METAP1: variants seen among roughly 807,000 people sequenced by gnomAD.
METAP1 encodes the protein methionine aminopeptidase 1.
A neutral mutation model predicts 53.8 loss-of-function variants in METAP1; 28 were observed. The ratio of observed to expected loss-of-function variants is 0.52; its 90% CI spans 0.39 to 0.71. The LOEUF (loss-of-function observed/expected upper bound fraction) is 0.71. METAP1 is among the 30% of genes least tolerant of loss of function. The pLI, the probability that METAP1 is intolerant of heterozygous loss-of-function variation, is 0.00. For synonymous variants in METAP1, 181 were observed against 165.7 expected (o/e 1.09, Z -0.71); for missense variants, 389 against 479.8 (o/e 0.81, Z 1.77).
chr4:98,999,288 C>G (rs897666347), intron 1 of METAP1, among the ~76,000 whole-genome samples: 2 of 152,006 alleles, frequency 1.3e-5, no homozygotes, highest in Non-Finnish European at 2.9e-5. Context: ...ACAGCTCCAT[C>G]ATTTACTAGT....
intron 1 of METAP1, among the ~76,000 whole-genome samples, chr4:99,009,656 GTATA>G (rs1432816931): frequency 6.6e-5 from 10 of 152,216 alleles, no homozygotes; most frequent in Admixed American, 5.9e-4. Flanking sequence ...CTGTTGGCTA[GTATA>G]TATCATCTTT....
Position 99,061,246 on chromosome 4 carries a change from A to C in METAP1, c.1090A>C (p.Thr364Pro), listed in dbSNP as rs780343100. The change falls in exon 11 of 11, where the codon ACA (threonine) becomes CCA (proline). Residue 364 changes from threonine to proline, a missense_variant. By Grantham distance (38) the Thr-to-Pro change is conservative. Transcript: ENST00000296411. ...TCAGTTTGAGCACACCCTCCTGGTC[A>C]CAGACACTGGCTGTGAAATCCTAAC... ...SAQFEHTLLV[T>P]DTGCEILTRR... 1 of 1,614,014 alleles carries C rather than the reference A, an allele frequency of 6.2e-7. No individual in the cohort carries two copies. Among genetic ancestry groups the C allele is most frequent in the Non-Finnish European group, 8.5e-7 (1 of 1,179,874 alleles).
At chr4:99,016,832 C>A (rs143705451) in intron 1 of METAP1, among the ~76,000 whole-genome samples, 1 of 151,950 alleles carries the variant, frequency 6.6e-6, no homozygotes, top group African/African-American at 2.4e-5. Flanking sequence ...CTGAGGACAG[C>A]GTCACATAGG....
intron 1 of METAP1, among the ~76,000 whole-genome samples, chr4:99,024,983 C>T (rs1021814013): frequency 1.3e-5 from 2 of 152,184 alleles, no homozygotes; most frequent in Non-Finnish European, 2.9e-5. Context: ...CAACCTGGCT[C>T]CTTGCATGTG....
intron 9 of METAP1, among the ~76,000 whole-genome samples, chr4:99,049,981 A>C (rs758332868): frequency 1.3e-5 from 2 of 152,178 alleles, no homozygotes; most frequent in African/African-American, 4.8e-5. Flanking sequence ...TGGCTTGCTC[A>C]AGGTCACACA....
intron 1 of METAP1, among the ~76,000 whole-genome samples, chr4:99,028,419 T>C (rs1056818809): frequency 2.6e-5 from 4 of 152,108 alleles, no homozygotes; most frequent in African/African-American, 9.7e-5. Context: ...ACACAGCTTA[T>C]GGCCTCAGGG....
At chr4:99,016,000 G>A (rs1230180) in intron 1 of METAP1, among the ~76,000 whole-genome samples, 11,964 of 152,140 alleles carry the variant, frequency 0.079, 644 homozygotes, top group East Asian at 0.23. Context: ...TGCGAACTGC[G>A]GTTTCGATGG....
At chr4:98,997,399 C>G (rs143047367) in intron 1 of METAP1, 1 of 153,532 alleles carries the variant, frequency 6.5e-6, no homozygotes, top group East Asian at 1.9e-4. Flanking sequence ...TCTAAAGGAC[C>G]TGTACTAGGT....
chr4:99,006,325 G>C (rs1363104054), intron 1 of METAP1, among the ~76,000 whole-genome samples: 1 of 152,164 alleles, frequency 6.6e-6, no homozygotes, highest in African/African-American at 2.4e-5. Flanking sequence ...TAATTTTACT[G>C]AGTTTCTCTA....
Position 99,035,350 on chromosome 4 carries a change from T to C in METAP1, c.280-50T>C, listed in dbSNP as rs770931043. ...TTGAATGGACTTCTTTCTCCCCTCGTTTTATTTATTTTTCGTTGGTAAATC... is the reference window on the plus strand; with the variant it reads ...TTGAATGGACTTCTTTCTCCCCTCGCTTTATTTATTTTTCGTTGGTAAATC... On this transcript the variant is annotated intron_variant, in intron 3 of 10. Coordinates refer to ENST00000296411, the MANE Select transcript of METAP1 (RefSeq NM_015143.3). The C allele has an allele frequency of 8.1e-5, 109 of 1,344,604 alleles. No individual in the cohort carries two copies. The South Asian group carries it at 1.2e-3, about 15-fold the overall frequency. The allele number at this position is 1,344,604 out of a possible 1,614,324, so 83.3% of individuals were successfully genotyped here. A position where few individuals can be genotyped will look rare whatever the true frequency, so the allele number is the denominator to read the frequency against.
intron 4 of METAP1, 22 bp from the exon 5 acceptor site, chr4:99,039,352 A>T: frequency 6.6e-7 from 1 of 1,516,348 alleles, no homozygotes. Flanking sequence ...TTTTGGTTTT[A>T]CTTACCGAAT....
intron 1 of METAP1, chr4:99,022,366 C>T: frequency 1.1e-6 from 1 of 892,034 alleles, no homozygotes; most frequent in Non-Finnish European, 1.6e-6. Flanking sequence ...TGGCGGGGCT[C>T]CAAAGATCCT....
At chr4:98,999,150 T>G (rs939076926) in intron 1 of METAP1, among the ~76,000 whole-genome samples, 6 of 152,106 alleles carry the variant, frequency 3.9e-5, no homozygotes, top group African/African-American at 1.2e-4. Context: ...TCATGAATGA[T>G]CCTATCTTGT....
At chr4:99,012,652 G>GTT (rs78437310) in intron 1 of METAP1, among the ~76,000 whole-genome samples, 2,617 of 90,290 alleles carry the variant, frequency 0.029, 165 homozygotes, top group South Asian at 0.054. Flanking sequence ...ATCCCATAAA[G>GTT]TTTTTTTTTT....
chr4:99,007,559 G>T (rs1723238119), intron 1 of METAP1, among the ~76,000 whole-genome samples: 1 of 151,450 alleles, frequency 6.6e-6, no homozygotes, highest in Non-Finnish European at 1.5e-5. Flanking sequence ...TTCAATAGCT[G>T]ATCTTTTTTT....
chr4:99,033,746 G>T (rs1725226516), intron 2 of METAP1, among the ~76,000 whole-genome samples: 1 of 152,172 alleles, frequency 6.6e-6, no homozygotes, highest in Admixed American at 6.5e-5. Flanking sequence ...AGCTTTGTGA[G>T]AAATAATTAT....
chr4:99,003,064 C>T (rs965384506), intron 1 of METAP1, among the ~76,000 whole-genome samples: 11 of 128,250 alleles, frequency 8.6e-5, no homozygotes, highest in Non-Finnish European at 1.6e-4. Context: ...ATAAGACTGT[C>T]TCAAAAACAA....
chr4:99,028,484 T>G (rs552532755), intron 1 of METAP1, among the ~76,000 whole-genome samples: 1 of 152,278 alleles, frequency 6.6e-6, no homozygotes, highest in East Asian at 1.9e-4. Flanking sequence ...TATGACTGAT[T>G]GGGAATCTAA....
At position 99,059,081 on chromosome 4, in the gene METAP1, C is replaced by T. The variant is rs182776047; in HGVS notation, c.997+1263C>T. 1.8e-4 allele frequency among the ~76,000 whole-genome samples: 27 copies of T among 152,328 alleles called. No homozygotes were observed. The East Asian group carries it at 5.2e-3, about 29-fold the overall frequency. On this transcript the variant is annotated intron_variant, in intron 10 of 10. Coordinates refer to ENST00000296411, the MANE Select transcript of METAP1 (RefSeq NM_015143.3). ...CATTTTGGCTACGTATTTCCATTAA[C>T]TAGCACCTGGTTGGTGAGCCATGAT...
Sources: allele counts gnomAD v4.1 joint callset (sites outside exome capture counted in the v4.1 genomes callset), GRCh38; gene constraint gnomAD v4.1.1; transcripts MANE v1.5; gene names NCBI Gene and HGNC (gene_info 2026-07-23, HGNC 2026-07-21).